The following MYCT1 variants were observed in gnomAD, a reference collection of about 807,000 sequenced individuals.
The protein encoded by MYCT1 is MYC target 1, also known as myc target protein 1.
Under a neutral mutation model 15.0 loss-of-function variants are expected in MYCT1, and 12 were observed. That is an observed-to-expected ratio of 0.80 (90% CI 0.51 to 1.29). The LOEUF (loss-of-function observed/expected upper bound fraction) is 1.29. MYCT1 is among the 50% of genes most tolerant of loss of function. The pLI, the probability that MYCT1 is intolerant of heterozygous loss-of-function variation, is 0.00. For synonymous variants in MYCT1, 104 were observed against 102.7 expected (o/e 1.01, Z -0.07); for missense variants, 287 against 279.1 (o/e 1.03, Z -0.20).
the MYCT1 span, among the ~76,000 whole-genome samples, chr6:152,732,552 A>G: frequency 2.0e-5 from 3 of 152,244 alleles, no homozygotes; most frequent in African/African-American, 7.2e-5. Context: ...AAATATTTAC[A>G]TGGGAAAAAC....
chr6:152,714,727 G>C (rs1470405312), intron 1 of MYCT1, among the ~76,000 whole-genome samples: 1 of 150,692 alleles, frequency 6.6e-6, no homozygotes, highest in African/African-American at 2.4e-5. Flanking sequence ...TTTTCTATTT[G>C]TTCTTTTAGT....
chr6:152,698,325 TG>T (rs2129067418), intron 1 of MYCT1, among the ~76,000 whole-genome samples: 1 of 151,760 alleles, frequency 6.6e-6, no homozygotes, highest in East Asian at 1.9e-4. Context: ...TAGTGTTCTA[TG>T]AAGATATTCA....
chr6:152,742,994 G>A, the MYCT1 span, among the ~76,000 whole-genome samples: 1 of 152,090 alleles, frequency 6.6e-6, no homozygotes, highest in Non-Finnish European at 1.5e-5. Context: ...GCTCAGCACT[G>A]TTTTGACAGA....
intron 1 of MYCT1, among the ~76,000 whole-genome samples, chr6:152,707,128 T>C (rs2099722425): frequency 6.6e-6 from 1 of 152,120 alleles, no homozygotes; most frequent in Non-Finnish European, 1.5e-5. Context: ...TCATCAACAC[T>C]GTACAGTTTC....
At chr6:152,719,110 T>G (rs1003119330) in intron 1 of MYCT1, among the ~76,000 whole-genome samples, 1 of 152,226 alleles carries the variant, frequency 6.6e-6, no homozygotes, top group African/African-American at 2.4e-5. Context: ...CAACACATTT[T>G]CAAAAGCTTG....
chr6:152,742,636 T>G, the MYCT1 span, among the ~76,000 whole-genome samples: 1 of 152,158 alleles, frequency 6.6e-6, no homozygotes, highest in South Asian at 2.1e-4. Context: ...GGAACCCTAT[T>G]TGAGTCTATA....
At chr6:152,738,267 T>A in the MYCT1 span, among the ~76,000 whole-genome samples, 1 of 152,138 alleles carries the variant, frequency 6.6e-6, no homozygotes, top group South Asian at 2.1e-4. Flanking sequence ...TATAGACATA[T>A]GATTAACATC....
At chr6:152,728,103 G>A (rs1229214331), downstream of MYCT1, among the ~76,000 whole-genome samples, 2 of 151,604 alleles carry the variant, frequency 1.3e-5, no homozygotes, top group East Asian at 3.9e-4. Context: ...GGCAGAGGTT[G>A]CAATGAGCCG....
At chr6:152,721,568 G>A (rs1218247990) in intron 1 of MYCT1, among the ~76,000 whole-genome samples, 174 bp from the exon 2 acceptor site, 1 of 152,012 alleles carries the variant, frequency 6.6e-6, no homozygotes, top group Non-Finnish European at 1.5e-5. Flanking sequence ...ATAAATGGAA[G>A]CATTATCAGC....
chr6:152,726,507 C>T (rs1201540562), downstream of MYCT1, among the ~76,000 whole-genome samples: 1 of 152,096 alleles, frequency 6.6e-6, no homozygotes, highest in Non-Finnish European at 1.5e-5. Flanking sequence ...TCATGGGGCC[C>T]CACACTTCAG....
intron 1 of MYCT1, among the ~76,000 whole-genome samples, chr6:152,720,094 G>A (rs749477775): frequency 6.6e-6 from 1 of 152,012 alleles, no homozygotes; most frequent in Admixed American, 6.6e-5. Context: ...GTCATTTGGT[G>A]AGTTGACTAG....
At chr6:152,741,426 T>A in the MYCT1 span, among the ~76,000 whole-genome samples, 7 of 152,200 alleles carry the variant, frequency 4.6e-5, no homozygotes, top group African/African-American at 1.7e-4. Context: ...CTTTTCCACC[T>A]TGAATGTTTA....
the MYCT1 span, among the ~76,000 whole-genome samples, chr6:152,746,228 G>C: frequency 6.6e-6 from 1 of 152,206 alleles, no homozygotes; most frequent in African/African-American, 2.4e-5. Context: ...TTGAAGGCTG[G>C]TTGCATGGAA....
intron 1 of MYCT1, among the ~76,000 whole-genome samples, chr6:152,699,316 A>T (rs1390017973): frequency 6.6e-6 from 1 of 152,212 alleles, no homozygotes; most frequent in Non-Finnish European, 1.5e-5. Flanking sequence ...CATAAGAAAA[A>T]AAAGAATTAA....
At position 152,724,536 on chromosome 6, in the gene MYCT1, T is replaced by C. The variant is rs2099725289; in HGVS notation, c.*2283T>C. On this transcript the variant is annotated 3_prime_UTR_variant, in exon 2 of 2. Coordinates refer to ENST00000367245, the MANE Select transcript of MYCT1 (RefSeq NM_025107.3). ...TGTATTTCTTTAATTTGAAATGTTT[T>C]GTGGATTGTGAAATAAAAATAAATT... 1 of 152,188 alleles carries C rather than the reference T, an allele frequency of 6.6e-6. No homozygotes were observed. Among genetic ancestry groups the C allele is most frequent in the African/African-American group, 2.4e-5 (1 of 41,442 alleles). 9.4% of individuals were successfully genotyped at this position (152,188 alleles called of 1,614,324 possible). A position where few individuals can be genotyped will look rare whatever the true frequency, so the allele number is the denominator to read the frequency against.
At chr6:152,744,258 G>A in the MYCT1 span, among the ~76,000 whole-genome samples, 9 of 152,292 alleles carry the variant, frequency 5.9e-5, no homozygotes, top group African/African-American at 9.6e-5. Flanking sequence ...TGGACAGACC[G>A]GCTCGGGGCT....
At position 152,724,490 on chromosome 6, in the gene MYCT1, G is replaced by A. The variant is rs1243532486; in HGVS notation, c.*2237G>A. The A allele has an allele frequency of 3.9e-5, 6 of 152,080 alleles. No individual in the cohort carries two copies. The highest frequency in any genetic ancestry group is 1.4e-4 in the African/African-American group (6 of 41,428). 9.4% of individuals were successfully genotyped at this position (152,080 alleles called of 1,614,324 possible). On this transcript the variant is annotated 3_prime_UTR_variant, in exon 2 of 2. Transcript: ENST00000367245. Reference sequence around the variant, plus strand: ...TGAGTGTATGAAATGTGAAATTAAAGCAAAAACTGGAGACTTTTAATGTAT... The same window carrying A: ...TGAGTGTATGAAATGTGAAATTAAAACAAAAACTGGAGACTTTTAATGTAT...
At chr6:152,740,345 A>G in the MYCT1 span, among the ~76,000 whole-genome samples, 1 of 152,108 alleles carries the variant, frequency 6.6e-6, no homozygotes, top group Admixed American at 6.6e-5. Flanking sequence ...CCACCGTACC[A>G]GGCCGGAAAT....
the MYCT1 span, among the ~76,000 whole-genome samples, chr6:152,740,750 T>G: frequency 1.3e-5 from 2 of 152,144 alleles, no homozygotes; most frequent in African/African-American, 4.8e-5. Context: ...ACGAATATTT[T>G]TTACTTTTGA....
Sources: allele counts gnomAD v4.1 joint callset (sites outside exome capture counted in the v4.1 genomes callset), GRCh38; gene constraint gnomAD v4.1.1; transcripts MANE v1.5; gene names NCBI Gene and HGNC (gene_info 2026-07-23, HGNC 2026-07-21).